Variants in RXRG observed in about 807,000 individuals in gnomAD.
RXRG encodes retinoid X receptor gamma.
Under a neutral mutation model 49.2 loss-of-function variants are expected in RXRG, and 19 were observed. The ratio of observed to expected loss-of-function variants is 0.39; its 90% confidence interval spans 0.27 to 0.57. The LOEUF (loss-of-function observed/expected upper bound fraction) is 0.57, where lower values mean the gene tolerates loss of function less well. Among genes scored for constraint, RXRG ranks in the 20% least tolerant of loss-of-function variants. RXRG has a pLI of 0.64. For synonymous variants in RXRG, 224 were observed against 216.6 expected (o/e 1.03, Z -0.30); for missense variants, 452 against 592.5 (o/e 0.76, Z 2.46).
chr1:165,420,872 A>G (rs1039507011), intron 2 of RXRG, among the ~76,000 whole-genome samples: 1 of 152,256 alleles, frequency 6.6e-6, no homozygotes, highest in East Asian at 1.9e-4. Flanking sequence ...CAAAAAAATA[A>G]GAACACTTAC....
intron 9 of RXRG, among the ~76,000 whole-genome samples, chr1:165,402,938 C>T (rs1373316938): frequency 1.9e-5 from 2 of 106,266 alleles, no homozygotes; most frequent in East Asian, 5.8e-4. Context: ...CACATGCACA[C>T]TCTTACACAC....
chr1:165,444,145 A>T (rs1659086099), intron 1 of RXRG, among the ~76,000 whole-genome samples: 2 of 152,108 alleles, frequency 1.3e-5, no homozygotes, highest in African/African-American at 4.8e-5. Context: ...TTGAATCTTC[A>T]GTTTGCCAAT....
intron 2 of RXRG, among the ~76,000 whole-genome samples, chr1:165,421,676 C>G (rs562590292): frequency 6.6e-6 from 1 of 152,152 alleles, no homozygotes; most frequent in South Asian, 2.1e-4. Context: ...ATTAGAGGAG[C>G]ATGCCACGAC....
intron 1 of RXRG, chr1:165,437,196 A>G: frequency 7.3e-7 from 1 of 1,367,728 alleles, no homozygotes; most frequent in Non-Finnish European, 9.8e-7. Context: ...GCAGGGGAAG[A>G]ACACCCTAGA....
At position 165,401,256 on chromosome 1, in the gene RXRG, G is replaced by T. The variant is rs1425469350; in HGVS notation, c.*7C>A. The T allele has an allele frequency of 3.1e-6, 5 of 1,613,794 alleles. No homozygotes were observed. Among genetic ancestry groups the T allele is most frequent in the Non-Finnish European group, 3.4e-6 (4 of 1,179,936 alleles). On this transcript the variant is annotated 3_prime_UTR_variant, in exon 10 of 10. Coordinates refer to ENST00000359842, the MANE Select transcript of RXRG (RefSeq NM_006917.5). ...ATCCTGGGTGGGGAGGCTGTGGCTGGTGGGGCTCAGGTGATCTGCAGCGGG... is the reference window on the plus strand; with the variant it reads ...ATCCTGGGTGGGGAGGCTGTGGCTGTTGGGGCTCAGGTGATCTGCAGCGGG...
At chr1:165,422,977 C>G (rs1490340794) in intron 2 of RXRG, among the ~76,000 whole-genome samples, 1 of 152,232 alleles carries the variant, frequency 6.6e-6, no homozygotes. Flanking sequence ...TTCCTCACCT[C>G]CTTGGCCAGG....
chr1:165,409,441 C>T (rs1040112021), intron 7 of RXRG, 117 bp downstream of exon 7: 70 of 1,218,738 alleles, frequency 5.7e-5, no homozygotes, highest in Non-Finnish European at 6.1e-5. Context: ...CATCCCAGCA[C>T]TACCCAGAGG....
At chr1:165,434,227 GT>G (rs1425666858) in intron 1 of RXRG, among the ~76,000 whole-genome samples, 6 of 151,436 alleles carry the variant, frequency 4.0e-5, no homozygotes, top group Non-Finnish European at 8.8e-5. Context: ...AGAAAGCAAT[GT>G]TCCTGATGTT....
chr1:165,426,172 C>T (rs1658480182), intron 2 of RXRG, among the ~76,000 whole-genome samples: 1 of 152,160 alleles, frequency 6.6e-6, no homozygotes, highest in South Asian at 2.1e-4. Flanking sequence ...TTGCTACCTG[C>T]ACAAGGGTCA....
chr1:165,422,695 G>A (rs1370555170), intron 2 of RXRG, among the ~76,000 whole-genome samples: 1 of 152,208 alleles, frequency 6.6e-6, no homozygotes, highest in East Asian at 1.9e-4. Flanking sequence ...AGTTTGGGAA[G>A]CAATAAGCAG....
intron 1 of RXRG, among the ~76,000 whole-genome samples, chr1:165,438,304 T>G (rs547740850): frequency 6.6e-6 from 1 of 152,326 alleles, no homozygotes; most frequent in South Asian, 2.1e-4. Context: ...GGATTTCAGA[T>G]TTTTGGATTA....
In RXRG at chr1:165,440,321, C is replaced by T. The variant is rs755070504; in HGVS notation, c.49+4524G>A. On this transcript the variant is annotated intron_variant, in intron 1 of 9. Transcript: ENST00000359842. Reference sequence around the variant, plus strand: ...ATAATGGGGGTAATAAAACTACCGACCTTAAAGTGGTGTTTTAGTTATGAA... The same window carrying T: ...ATAATGGGGGTAATAAAACTACCGATCTTAAAGTGGTGTTTTAGTTATGAA... Among the ~76,000 whole-genome samples the T allele has an allele frequency of 3.3e-5, 5 of 152,288 alleles. No homozygotes were observed. In the South Asian group the frequency reaches 1.0e-3, roughly 32 times the overall value.
intron 4 of RXRG, among the ~76,000 whole-genome samples, chr1:165,414,128 G>A (rs540442831): frequency 7.2e-5 from 11 of 152,166 alleles, no homozygotes; most frequent in Non-Finnish European, 1.6e-4. Context: ...AGTCAGCGGA[G>A]GAATTGATTC....
chr1:165,435,527 G>A (rs920752319), intron 1 of RXRG, among the ~76,000 whole-genome samples: 3 of 152,178 alleles, frequency 2.0e-5, no homozygotes, highest in Non-Finnish European at 2.9e-5. Context: ...CACTTGCCAG[G>A]ATGGAGGGGA....
intron 2 of RXRG, among the ~76,000 whole-genome samples, chr1:165,423,192 C>G (rs1009722302): frequency 6.6e-6 from 1 of 152,172 alleles, no homozygotes; most frequent in Non-Finnish European, 1.5e-5. Context: ...TCAAAGGCAG[C>G]CATCAGAGCA....
At chr1:165,426,391 A>T (rs1052609930) in intron 2 of RXRG, among the ~76,000 whole-genome samples, 3 of 152,158 alleles carry the variant, frequency 2.0e-5, no homozygotes, top group Non-Finnish European at 4.4e-5. Flanking sequence ...CCATTGACTT[A>T]CACAACCCTT....
chr1:165,423,689 A>AGT (rs1307779949), intron 2 of RXRG, among the ~76,000 whole-genome samples: 5 of 102,322 alleles, frequency 4.9e-5, no homozygotes, highest in African/African-American at 1.9e-4. Flanking sequence ...TTTCTAGGTG[A>AGT]GTGTGTGTGT....
Position 165,428,768 on chromosome 1 carries a change from G to A in RXRG, c.248C>T (p.Ala83Val). The change falls in exon 2 of 10, where the codon GCA becomes GTA. Residue 83 changes from alanine to valine, a missense_variant. Physicochemically the swap from Ala to Val is moderately conservative, Grantham distance 64. Transcript: ENST00000359842. ...GTTGATTCCTGGAGGCGCTGCAAGTGCTCCTGAGGGTGGGCCCATGGCAGA... is the reference window on the plus strand; with the variant it reads ...GTTGATTCCTGGAGGCGCTGCAAGTACTCCTGAGGGTGGGCCCATGGCAGA... The part of the protein sequence containing the change: ...ITSAMGPPSG[A>V]LAAPPGINLV... The A allele has an allele frequency of 1.2e-6, 2 of 1,608,058 alleles. No homozygotes were observed. The highest frequency in any genetic ancestry group is 1.7e-6 in the Non-Finnish European group (2 of 1,175,074).
intron 9 of RXRG, among the ~76,000 whole-genome samples, chr1:165,405,200 C>T (rs1376491948): frequency 6.6e-6 from 1 of 152,156 alleles, no homozygotes; most frequent in Non-Finnish European, 1.5e-5. Context: ...GTACGACTCT[C>T]ATTATTTGTA....
Sources: gnomAD v4.1 joint callset for allele counts (sites outside exome capture counted in the v4.1 genomes callset) on GRCh38, gnomAD v4.1.1 for gene constraint, MANE v1.5 for transcripts, NCBI Gene and HGNC (gene_info 2026-07-23, HGNC 2026-07-21) for gene names.